The following PAPOLA variants were observed in gnomAD, a reference collection of about 807,000 sequenced individuals.
PAPOLA encodes the protein polynucleotide adenylyltransferase alpha.
Under a neutral mutation model 100.6 loss-of-function variants are expected in PAPOLA, and 15 were observed. The observed-to-expected ratio is 0.15, with a 90% CI of 0.10 to 0.23. PAPOLA has a LOEUF of 0.23. Among genes scored for constraint, PAPOLA ranks in the 10% least tolerant of loss-of-function variants. The pLI, the probability that PAPOLA is intolerant of heterozygous loss-of-function variation, is 1.00. For missense variants in PAPOLA, 533 were observed against 884.2 expected (o/e 0.60, Z 5.04); for synonymous variants, 293 against 300.0 (o/e 0.98, Z 0.24).
In PAPOLA at chr14:96,554,631, A is replaced by G. The variant is rs562587319; in HGVS notation, c.1665-1216A>G. 2.6e-5 allele frequency among the ~76,000 whole-genome samples: 4 copies of G among 152,334 alleles called. No individual in the cohort carries two copies. The South Asian group carries it at 8.3e-4, about 32-fold the overall frequency. On this transcript the variant is annotated intron_variant, in intron 17 of 21. Transcript: ENST00000216277. The stretch of plus-strand genomic sequence containing the variant: ...GAGAAAGAGAGACAGACACACACAC[A>G]CACAGACACAGATAGAGACAGAGAG...
intron 15 of PAPOLA, among the ~76,000 whole-genome samples, chr14:96,544,840 G>A (rs905455321): frequency 2.6e-5 from 4 of 152,030 alleles, no homozygotes; most frequent in Non-Finnish European, 4.4e-5. Flanking sequence ...GAAATTTTCC[G>A]ACTATGGGGA....
At chr14:96,542,394 C>T in intron 13 of PAPOLA, 98 bp downstream of exon 13, 2 of 740,930 alleles carry the variant, frequency 2.7e-6, no homozygotes, top group Non-Finnish European at 4.6e-6. Flanking sequence ...CTTAAAACTT[C>T]TAGTTTGGTT....
At chr14:96,541,954 C>CA (rs1328804115) in intron 12 of PAPOLA, 29 of 212,108 alleles carry the variant, frequency 1.4e-4, no homozygotes, top group Non-Finnish European at 2.1e-4. Context: ...GCAGAGCACT[C>CA]AATCGGTGTC....
intron 1 of PAPOLA, among the ~76,000 whole-genome samples, chr14:96,507,554 C>T (rs901612642): frequency 3.9e-5 from 6 of 152,018 alleles, no homozygotes; most frequent in Admixed American, 1.3e-4. Flanking sequence ...GGATTACAGG[C>T]GTGAGCCACC....
At chr14:96,515,267 AT>A (rs1897375195) in intron 1 of PAPOLA, among the ~76,000 whole-genome samples, 2 of 152,204 alleles carry the variant, frequency 1.3e-5, no homozygotes, top group South Asian at 4.1e-4. Context: ...AGTTCTGAAA[AT>A]TCTTTATACA....
chr14:96,545,024 G>A (rs1451751377), intron 15 of PAPOLA, among the ~76,000 whole-genome samples: 1 of 151,998 alleles, frequency 6.6e-6, no homozygotes, highest in Non-Finnish European at 1.5e-5. Context: ...CAAATACTAC[G>A]CATAGGGACA....
At position 96,505,936 on chromosome 14, in the gene PAPOLA, G is replaced by C. The variant is rs188526264; in HGVS notation, c.8+3336G>C. On this transcript the variant is annotated intron_variant, in intron 1 of 21. Transcript: ENST00000216277. The stretch of plus-strand genomic sequence containing the variant: ...TTCCTTCCGTTCTTGACGGAGTCTT[G>C]CTCTGTCGCCGGGCTGGAATGCAGT... 1.6e-4 allele frequency among the ~76,000 whole-genome samples: 25 copies of C among 152,080 alleles called. No homozygotes were observed. The East Asian group carries it at 4.8e-3, about 29-fold the overall frequency.
intron 3 of PAPOLA, among the ~76,000 whole-genome samples, chr14:96,524,520 C>G (rs1261257109): frequency 1.3e-5 from 2 of 151,812 alleles, no homozygotes; most frequent in Admixed American, 1.3e-4. Flanking sequence ...TTCCCCTCTT[C>G]CCCTTCCCCT....
chr14:96,565,142 C>G lies in PAPOLA; in HGVS notation c.*92C>G, dbSNP rs1453485976. The G allele has an allele frequency of 1.3e-6, 1 of 750,818 alleles. No homozygotes were observed. The highest frequency in any genetic ancestry group is 2.4e-6 in the Non-Finnish European group (1 of 419,506). 46.5% of individuals were successfully genotyped at this position (750,818 alleles called of 1,614,324 possible). On this transcript the variant is annotated 3_prime_UTR_variant, in exon 22 of 22. Transcript: ENST00000216277. Reference sequence around the variant, plus strand: ...GGAGAATGGAGGGTACAAGACTAGACATGACTGAAATGGATTTGGGTTTTT... The same window carrying G: ...GGAGAATGGAGGGTACAAGACTAGAGATGACTGAAATGGATTTGGGTTTTT...
intron 19 of PAPOLA, among the ~76,000 whole-genome samples, chr14:96,559,571 C>CTATA (rs1223139741): frequency 2.7e-4 from 31 of 115,628 alleles, no homozygotes; most frequent in Admixed American, 6.5e-4. Context: ...CTCTCTCTCT[C>CTATA]TCTCTCTCTC....
chr14:96,541,558 ATTAT>A (rs1899994186), intron 12 of PAPOLA, among the ~76,000 whole-genome samples: 2 of 152,132 alleles, frequency 1.3e-5, no homozygotes, highest in Admixed American at 1.3e-4. Flanking sequence ...AAAAGACTTC[ATTAT>A]TTATTTGATC....
intron 17 of PAPOLA, among the ~76,000 whole-genome samples, chr14:96,553,718 G>T (rs1055106005): frequency 3.9e-5 from 6 of 151,996 alleles, no homozygotes; most frequent in African/African-American, 7.2e-5. Flanking sequence ...CACCATGTTG[G>T]CCAGGCTGGT....
At chr14:96,523,105 T>TA (rs1283157766) in intron 3 of PAPOLA, among the ~76,000 whole-genome samples, 1 of 152,122 alleles carries the variant, frequency 6.6e-6, no homozygotes, top group African/African-American at 2.4e-5. Flanking sequence ...ATGTGTTTCT[T>TA]ACTGATTTTA....
At chr14:96,516,643 T>A (rs577225539) in intron 1 of PAPOLA, among the ~76,000 whole-genome samples, 1 of 152,230 alleles carries the variant, frequency 6.6e-6, no homozygotes, top group Non-Finnish European at 1.5e-5. Flanking sequence ...CTGGCTCATA[T>A]ATATTCTTTC....
intron 9 of PAPOLA, chr14:96,533,055 C>A: frequency 1.0e-6 from 1 of 977,666 alleles, no homozygotes; most frequent in Non-Finnish European, 1.2e-6. Context: ...TTTTTGCTTT[C>A]AGCATTTATT....
rs529585056 is a variant in PAPOLA, at chr14:96,502,557, G to A, written c.-36G>A. 3.9e-6 allele frequency: 6 copies of A among 1,532,368 alleles called. No individual in the cohort carries two copies. Among genetic ancestry groups the A allele is most frequent in the Non-Finnish European group, 4.4e-6 (5 of 1,134,076 alleles). The allele number at this position is 1,532,368 out of a possible 1,614,324, so 94.9% of individuals were successfully genotyped here. ...AGGGCGGCAGCGGCGGCGGTTGCGG[G>A]GGGGAAGTGACTGGGCGGTGCCGGC... On this transcript the variant is annotated 5_prime_UTR_variant, in exon 1 of 22. Transcript: ENST00000216277.
intron 1 of PAPOLA, among the ~76,000 whole-genome samples, chr14:96,515,962 T>A (rs1168371139): frequency 1.3e-5 from 2 of 152,182 alleles, no homozygotes; most frequent in Admixed American, 1.3e-4. Context: ...CAGGAGAGTG[T>A]CAGTGCATAT....
Position 96,534,557 on chromosome 14 carries a change from C to T in PAPOLA, c.903C>T (p.Asp301=). ...GCAATCTTAATTTGCCTGTATGGGA[C>T]CCAAGGGTTAGTGTATTATTTTTTC... is the stretch of plus-strand genomic sequence containing the variant. ...EECNLNLPVW[D]PRVNPSDRYH... The change falls in exon 10 of 22, where the codon GAC becomes GAT. Residue 301 remains aspartate (D), a synonymous_variant. Transcript: ENST00000216277. 6.2e-7 allele frequency: 1 copy of T among 1,613,778 alleles called. No homozygotes were observed. The highest frequency in any genetic ancestry group is 1.7e-5 in the Admixed American group (1 of 60,016).
chr14:96,550,303 T>G (rs1900742279), intron 16 of PAPOLA, among the ~76,000 whole-genome samples: 1 of 152,190 alleles, frequency 6.6e-6, no homozygotes, highest in Admixed American at 6.5e-5. Context: ...AACAGATAAT[T>G]AGATTTCTCA....
Sources: allele counts gnomAD v4.1 joint callset (sites outside exome capture counted in the v4.1 genomes callset), GRCh38; gene constraint gnomAD v4.1.1; transcripts MANE v1.5; gene names NCBI Gene and HGNC (gene_info 2026-07-23, HGNC 2026-07-21).